The following FLRT2 variants were observed in gnomAD, a reference collection of about 807,000 sequenced individuals.
FLRT2 encodes the protein leucine-rich repeat transmembrane protein FLRT2.
A neutral mutation model predicts 40.0 loss-of-function variants in FLRT2; 15 were observed. The observed-to-expected ratio is 0.38, with a 90% CI of 0.25 to 0.58. The LOEUF (loss-of-function observed/expected upper bound fraction) is 0.58, where lower values mean the gene tolerates loss of function less well. Ranked by LOEUF, FLRT2 falls within the 20% of genes least tolerant of loss-of-function variation. The probability of loss-of-function intolerance (pLI) is 0.71; values close to 1 mark genes in which losing one functional copy is unlikely to be tolerated. For missense variants in FLRT2, 726 were observed against 840.0 expected, an observed-to-expected ratio of 0.86 and a Z score of 1.68; for synonymous variants, 380 against 336.8, an observed-to-expected ratio of 1.13 and a Z score of -1.41.
intron 1 of FLRT2, among the ~76,000 whole-genome samples, chr14:85,541,013 G>T (rs1888957372): frequency 6.6e-6 from 1 of 152,130 alleles, no homozygotes; most frequent in East Asian, 1.9e-4. Flanking sequence ...ACTATGGGGA[G>T]GAAGTATGGT....
intron 1 of FLRT2, among the ~76,000 whole-genome samples, chr14:85,597,309 C>A (rs1892183781): frequency 6.6e-6 from 1 of 152,180 alleles, no homozygotes; most frequent in East Asian, 1.9e-4. Flanking sequence ...CATACATATT[C>A]TCTTATTAAC....
chr14:85,572,881 T>C (rs1890954123), intron 1 of FLRT2, among the ~76,000 whole-genome samples: 2 of 152,278 alleles, frequency 1.3e-5, no homozygotes, highest in East Asian at 1.9e-4. Flanking sequence ...CCAGATCTTA[T>C]GGCCTGTGGA....
At chr14:85,541,304 A>G (rs1888972349) in intron 1 of FLRT2, among the ~76,000 whole-genome samples, 1 of 152,170 alleles carries the variant, frequency 6.6e-6, no homozygotes, top group Non-Finnish European at 1.5e-5. Context: ...TGAACTGGGC[A>G]TAGAGTAAGA....
chr14:85,611,917 CGTGTGTGTGTGTGTGT>C lies in FLRT2; in HGVS notation c.-376-9191_-376-9176del, dbSNP rs71120529. Among the ~76,000 whole-genome samples, 386 of 130,948 alleles carry C rather than the reference CGTGTGTGTGTGTGTGT, an allele frequency of 2.9e-3. 3 individuals are homozygous for C. The highest frequency in any genetic ancestry group is 8.8e-3 in the Middle Eastern group (2 of 226). 85.9% of individuals were successfully genotyped at this position (130,948 alleles called of 152,430 possible). A position where few individuals can be genotyped will look rare whatever the true frequency, so the allele number is the denominator to read the frequency against. On this transcript the variant is annotated intron_variant, in intron 1 of 1. Coordinates refer to ENST00000330753, the MANE Select transcript of FLRT2 (RefSeq NM_013231.6). ...GAGAGAGAGCGCGCGTGCGCGAAAG[CGTGTGTGTGTGTGTGT>C]GTGTGTGTGTGTGTGTGTGTGTGTG...
intron 1 of FLRT2, among the ~76,000 whole-genome samples, chr14:85,543,674 A>G (rs1889110178): frequency 6.6e-6 from 1 of 152,202 alleles, no homozygotes; most frequent in Admixed American, 6.5e-5. Context: ...TTCAGCACCC[A>G]TCCCCTGTAC....
chr14:85,571,180 G>A (rs980387109), intron 1 of FLRT2, among the ~76,000 whole-genome samples: 6 of 152,086 alleles, frequency 3.9e-5, no homozygotes, highest in African/African-American at 1.4e-4. Flanking sequence ...ATCTGTGAAT[G>A]TGTTTCTGTA....
Position 85,621,783 on chromosome 14 carries a change from T to C in FLRT2, c.269T>C (p.Val90Ala). The C allele has an allele frequency of 7.4e-6, 12 of 1,614,210 alleles. No individual in the cohort carries two copies. The highest frequency in any genetic ancestry group is 9.3e-6 in the Non-Finnish European group (11 of 1,180,038). Residue 90 changes from valine (V) to alanine (A), a missense_variant, in exon 2 of 2, where the codon GTG (valine) becomes GCG (alanine). Val to Ala is a moderately conservative substitution (Grantham distance 64). Around this residue, in one of 3 missense-constraint regions of FLRT2, gnomAD observed 106 missense variants for 121.2 expected, o/e 0.87. Transcript: ENST00000330753. ...GCAGAACTGCACAATGTACAGTCGG[T>C]GCACACGGTCTACCTGTATGGCAAC... ...FPAELHNVQS[V>A]HTVYLYGNQL...
At chr14:85,589,650 G>C (rs1345289261) in intron 1 of FLRT2, among the ~76,000 whole-genome samples, 1 of 152,078 alleles carries the variant, frequency 6.6e-6, no homozygotes, top group African/African-American at 2.4e-5. Context: ...TTGGCTGCCT[G>C]TGCTTGTGGG....
intron 1 of FLRT2, among the ~76,000 whole-genome samples, chr14:85,592,964 T>C (rs932539457): frequency 2.0e-5 from 3 of 152,150 alleles, no homozygotes; most frequent in Non-Finnish European, 4.4e-5. Context: ...TATTTTCAAA[T>C]TACATACATG....
chr14:85,554,456 A>G (rs1889835500), intron 1 of FLRT2, among the ~76,000 whole-genome samples: 1 of 152,200 alleles, frequency 6.6e-6, no homozygotes, highest in South Asian at 2.1e-4. Flanking sequence ...GTGCCAGCGG[A>G]CTACAGATGG....
chr14:85,599,979 A>T (rs569960983), intron 1 of FLRT2, among the ~76,000 whole-genome samples: 1 of 152,334 alleles, frequency 6.6e-6, no homozygotes, highest in Admixed American at 6.5e-5. Flanking sequence ...GGGCACAATG[A>T]TACCTTCAGA....
At chr14:85,607,782 G>A (rs1892687357) in intron 1 of FLRT2, among the ~76,000 whole-genome samples, 1 of 152,202 alleles carries the variant, frequency 6.6e-6, no homozygotes, top group Non-Finnish European at 1.5e-5. Context: ...AAGAAATCAA[G>A]CGTCTCTGTA....
intron 1 of FLRT2, among the ~76,000 whole-genome samples, chr14:85,593,503 CT>C (rs1891996456): frequency 6.6e-6 from 1 of 151,944 alleles, no homozygotes; most frequent in Non-Finnish European, 1.5e-5. Context: ...GAGCCCAAAT[CT>C]GTGAGTGCCA....
intron 1 of FLRT2, among the ~76,000 whole-genome samples, chr14:85,584,418 CTG>C (rs750677357): frequency 6.6e-6 from 1 of 152,156 alleles, no homozygotes; most frequent in Non-Finnish European, 1.5e-5. Context: ...CTTTCTTATG[CTG>C]TGTCTTAATT....
Position 85,648,067 on chromosome 14 carries a change from A to G in FLRT2, c.*24570A>G, listed in dbSNP as rs1894350199. On this transcript the variant is annotated 3_prime_UTR_variant, in exon 2 of 2. Transcript: ENST00000330753. ...TTGTAATTTGTCCCTCAAATTACAGACTATCAGCTTGAAACTATGATTGGA... is the reference window on the plus strand; with the variant it reads ...TTGTAATTTGTCCCTCAAATTACAGGCTATCAGCTTGAAACTATGATTGGA... 1 of 152,176 alleles carries G rather than the reference A, an allele frequency of 6.6e-6. No individual in the cohort carries two copies. The highest frequency in any genetic ancestry group is 1.5e-5 in the Non-Finnish European group (1 of 68,012). 9.4% of individuals were successfully genotyped at this position (152,176 alleles called of 1,614,324 possible).
chr14:85,645,969 A>G lies in FLRT2; in HGVS notation c.*22472A>G, dbSNP rs1421367467. ...GTGGATTTCTTCTCTTATGGAAAGG[A>G]CAACTATCCATATTGAAATAGACAA... On this transcript the variant is annotated 3_prime_UTR_variant, in exon 2 of 2. Coordinates refer to ENST00000330753, the MANE Select transcript of FLRT2 (RefSeq NM_013231.6). The G allele has an allele frequency of 6.6e-6, 1 of 152,126 alleles. No homozygotes were observed. 9.4% of individuals were successfully genotyped at this position (152,126 alleles called of 1,614,324 possible).
At position 85,645,220 on chromosome 14, in the gene FLRT2, G is replaced by A. The variant is rs1186142598; in HGVS notation, c.*21723G>A. Reference sequence around the variant, plus strand: ...TATACATATGTATATATGTACACATGTGTATATATGTATATACATATATGT... The same window carrying A: ...TATACATATGTATATATGTACACATATGTATATATGTATATACATATATGT... On this transcript the variant is annotated 3_prime_UTR_variant, in exon 2 of 2. Transcript: ENST00000330753. 6.7e-6 allele frequency: 1 copy of A among 149,404 alleles called. No homozygotes were observed. Among genetic ancestry groups the A allele is most frequent in the African/African-American group, 2.5e-5 (1 of 39,420 alleles). The allele number at this position is 149,404 out of a possible 1,614,324, so 9.3% of individuals were successfully genotyped here. A position where few individuals can be genotyped will look rare whatever the true frequency, so the allele number is the denominator to read the frequency against.
intron 1 of FLRT2, among the ~76,000 whole-genome samples, chr14:85,567,635 ATTTTTTT>A (rs34161461): frequency 1.3e-5 from 1 of 75,064 alleles, no homozygotes; most frequent in African/African-American, 4.9e-5. Context: ...AGTGACTTAC[ATTTTTTT>A]TTTTTTTTTT....
intron 1 of FLRT2, among the ~76,000 whole-genome samples, chr14:85,534,229 A>T (rs142139397): frequency 6.6e-6 from 1 of 152,294 alleles, no homozygotes; most frequent in African/African-American, 2.4e-5. Context: ...CTGGTGCCTC[A>T]TCTTGTAGCT....
Sources: allele counts gnomAD v4.1 joint callset (sites outside exome capture counted in the v4.1 genomes callset), GRCh38; gene constraint gnomAD v4.1.1; regional missense constraint gnomAD v4.1.1; transcripts MANE v1.5; gene names NCBI Gene and HGNC (gene_info 2026-07-23, HGNC 2026-07-21).